The following DNAAF5 variants were observed in gnomAD, a reference collection of about 807,000 sequenced individuals.
DNAAF5 encodes HEAT repeat containing 2.
DNAAF5 carries 64 observed loss-of-function variants against 75.8 expected under a neutral mutation model. That is an observed-to-expected ratio of 0.84 (90% CI 0.69 to 1.04). The LOEUF (loss-of-function observed/expected upper bound fraction) is 1.04. Ranked by LOEUF, DNAAF5 falls within the 50% of genes least tolerant of loss-of-function variation. The pLI is 0.00. For synonymous variants in DNAAF5, 657 were observed against 557.2 expected (o/e 1.18, Z -2.52); for missense variants, 1,269 against 1,178.5 (o/e 1.08, Z -1.12).
chr7:775,511 G>GGT (rs10582414), intron 11 of DNAAF5, among the ~76,000 whole-genome samples: 2,428 of 150,592 alleles, frequency 0.016, 37 homozygotes, highest in Middle Eastern at 0.038. Flanking sequence ...TAAAAGTAGG[G>GGT]GTGTGTGTGT....
intron 8 of DNAAF5, among the ~76,000 whole-genome samples, chr7:767,382 T>C (rs1778344421): frequency 6.6e-6 from 1 of 152,184 alleles, no homozygotes; most frequent in Admixed American, 6.5e-5. Flanking sequence ...GAATTGCCAA[T>C]GTCTTCACTC....
In DNAAF5 at chr7:727,111, G is replaced by A; in HGVS notation, c.391G>A (p.Ala131Thr). The A allele has an allele frequency of 9.0e-7, 1 of 1,108,634 alleles. No homozygotes were observed. The highest frequency in any genetic ancestry group is 4.1e-5 in the South Asian group (1 of 24,404). The allele number at this position is 1,108,634 out of a possible 1,614,324, so 68.7% of individuals were successfully genotyped here. The change falls in exon 1 of 13, where the codon GCG becomes ACG. Residue 131 changes from alanine to threonine, a missense_variant. Coordinates refer to ENST00000297440, the MANE Select transcript of DNAAF5 (RefSeq NM_017802.4). Reference protein sequence around the residue: ...LAARLAGPVPARRPPEACEEL... With the variant: ...LAARLAGPVPTRRPPEACEEL... ...CGCGCGCTTGGCCGGCCCCGTGCCC[G>A]CGCGCCGCCCGCCCGAGGCCTGTGA...
At chr7:727,706 C>G (rs1368087831) in intron 1 of DNAAF5, 1 of 95,014 alleles carries the variant, frequency 1.1e-5, no homozygotes, top group Non-Finnish European at 2.1e-5. Context: ...GCCCCAAGCC[C>G]CGCCCCCCAC....
intron 2 of DNAAF5, among the ~76,000 whole-genome samples, chr7:737,862 G>C (rs1395862455): frequency 6.6e-6 from 1 of 152,130 alleles, no homozygotes; most frequent in Non-Finnish European, 1.5e-5. Flanking sequence ...TTTGATCTTT[G>C]GGAGTTTGAT....
At chr7:761,291 C>T (rs1285671871) in intron 6 of DNAAF5, among the ~76,000 whole-genome samples, 2 of 152,260 alleles carry the variant, frequency 1.3e-5, no homozygotes, top group African/African-American at 2.4e-5. Context: ...TGGCTGCTGC[C>T]CCTCGTGAGC....
chr7:729,482 G>T (rs1448339967), intron 1 of DNAAF5, among the ~76,000 whole-genome samples, 181 bp from the exon 2 acceptor site: 1 of 152,178 alleles, frequency 6.6e-6, no homozygotes, highest in Non-Finnish European at 1.5e-5. Flanking sequence ...TTCCTGTGCC[G>T]GGCGGTACAG....
intron 2 of DNAAF5, among the ~76,000 whole-genome samples, chr7:735,307 C>T (rs556210560): frequency 2.8e-4 from 42 of 150,932 alleles, no homozygotes; most frequent in South Asian, 1.3e-3. Flanking sequence ...GATGTCATTG[C>T]TCACGGTGTA....
chr7:748,780 G>A (rs1006564263), intron 4 of DNAAF5, among the ~76,000 whole-genome samples: 14 of 152,220 alleles, frequency 9.2e-5, no homozygotes, highest in Admixed American at 3.3e-4. Flanking sequence ...TGAGCACCCA[G>A]CGAGCTGATG....
At chr7:735,441 G>T (rs972500513) in intron 2 of DNAAF5, among the ~76,000 whole-genome samples, 3 of 151,882 alleles carry the variant, frequency 2.0e-5, no homozygotes, top group African/African-American at 7.3e-5. Context: ...TGCTCACGGT[G>T]TAGTTGTTCA....
chr7:782,599 C>A (rs1410662953), intron 12 of DNAAF5, among the ~76,000 whole-genome samples: 2 of 149,722 alleles, frequency 1.3e-5, no homozygotes, highest in Non-Finnish European at 3.0e-5. Flanking sequence ...TGGCCGCGTC[C>A]CGTTACGCAG....
chr7:730,731 C>T (rs1320770540), intron 2 of DNAAF5, among the ~76,000 whole-genome samples: 1 of 152,218 alleles, frequency 6.6e-6, no homozygotes, highest in Non-Finnish European at 1.5e-5. Context: ...CCGGCTCTCT[C>T]CCTCCAGCAG....
In DNAAF5 at chr7:729,764, G is replaced by A. The variant is rs149139347; in HGVS notation, c.697G>A (p.Ala233Thr). 90 of 1,614,210 alleles carry A rather than the reference G, an allele frequency of 5.6e-5. No individual in the cohort carries two copies. In the Middle Eastern group the frequency reaches 8.2e-4, roughly 15 times the overall value. ...VRVAAIEATGAVIHFGNGKSV... is the reference protein window; with the variant it reads ...VRVAAIEATGTVIHFGNGKSV... ...TGTGGCCGCCATTGAAGCCACAGGC[G>A]CAGTGATCCATTTTGGCAACGGGAA... The change falls in exon 2 of 13, where the codon GCA becomes ACA. Residue 233 changes from alanine (A) to threonine (T), a missense_variant. Transcript: ENST00000297440.
chr7:781,296 CTTAT>C (rs978362985), intron 12 of DNAAF5, among the ~76,000 whole-genome samples: 3 of 152,206 alleles, frequency 2.0e-5, no homozygotes, highest in East Asian at 3.8e-4. Context: ...CTGTGCCTGA[CTTAT>C]TTCACTTAAC....
At chr7:762,519 G>A (rs984224923) in intron 7 of DNAAF5, among the ~76,000 whole-genome samples, 3 of 151,736 alleles carry the variant, frequency 2.0e-5, no homozygotes, top group African/African-American at 7.3e-5. Flanking sequence ...ATGTGCATGT[G>A]TGACTGAGTC....
chr7:785,617 C>T lies in DNAAF5; in HGVS notation c.2532C>T (p.Leu844=). 1 of 1,613,162 alleles carries T rather than the reference C, an allele frequency of 6.2e-7. No individual in the cohort carries two copies. Among genetic ancestry groups the T allele is most frequent in the Non-Finnish European group, 8.5e-7 (1 of 1,180,020 alleles). Residue 844 remains leucine, a synonymous_variant, in exon 13 of 13, where the codon CTC becomes CTT. Coordinates refer to ENST00000297440, the MANE Select transcript of DNAAF5 (RefSeq NM_017802.4). ...GCTCGGCCACCTACTGCGAGCAGCT[C>T]CTGCAGCATGTGCAGGCCGTGCCAG... The part of the protein sequence containing the change: ...KHRSATYCEQ[L]LQHVQAVPAT...
chr7:765,457 G>A (rs943664600), intron 8 of DNAAF5, among the ~76,000 whole-genome samples: 1 of 152,096 alleles, frequency 6.6e-6, no homozygotes, highest in African/African-American at 2.4e-5. Context: ...CAGAAAATTG[G>A]GCACACAAAC....
In DNAAF5 at chr7:726,854, G is replaced by A. The variant is rs1160916857; in HGVS notation, c.134G>A (p.Gly45Asp). The A allele has an allele frequency of 3.8e-6, 5 of 1,318,848 alleles. No individual in the cohort carries two copies. Among genetic ancestry groups the A allele is most frequent in the African/African-American group, 1.5e-5 (1 of 64,736 alleles). The allele number at this position is 1,318,848 out of a possible 1,614,324, so 81.7% of individuals were successfully genotyped here. ...GGGCTGGAGGCCGACAGCAAGCCGG[G>A]CCGGCGGCGCGCCTTGGAGGCCCTG... ...LPGLEADSKP[G>D]RRRALEALRR... Residue 45 changes from glycine to aspartate, a missense_variant, in exon 1 of 13, where the codon GGC becomes GAC. Gly to Asp is a moderately conservative substitution (Grantham distance 94). Coordinates refer to ENST00000297440, the MANE Select transcript of DNAAF5 (RefSeq NM_017802.4).
intron 8 of DNAAF5, among the ~76,000 whole-genome samples, chr7:766,949 G>C (rs1424703950): frequency 6.6e-6 from 1 of 152,158 alleles, no homozygotes; most frequent in African/African-American, 2.4e-5. Flanking sequence ...ATTAAAGACT[G>C]TAGGGTCCCG....
intron 12 of DNAAF5, among the ~76,000 whole-genome samples, chr7:782,700 A>G (rs1187677922): frequency 2.2e-5 from 2 of 90,070 alleles, no homozygotes; most frequent in Admixed American, 1.1e-4. Context: ...CCCGTCACGC[A>G]GCGTCAGAAA....
Sources: gnomAD v4.1 joint callset for allele counts (sites outside exome capture counted in the v4.1 genomes callset) on GRCh38, gnomAD v4.1.1 for gene constraint, MANE v1.5 for transcripts, NCBI Gene and HGNC (gene_info 2026-07-23, HGNC 2026-07-21) for gene names.